Variants in CEP135 observed in about 807,000 individuals in gnomAD.
CEP135 encodes the protein centrosomal protein of 135 kDa.
In CEP135, 142 loss-of-function variants were observed where a neutral mutation model predicts 157.3. The observed-to-expected ratio is 0.90, with a 90% CI of 0.79 to 1.04. The LOEUF is 1.04. Among genes scored for constraint, CEP135 ranks in the 50% least tolerant of loss-of-function variants. The pLI is 0.00. For missense variants in CEP135, 1,317 were observed against 1,309.2 expected (o/e 1.01, Z -0.09); for synonymous variants, 396 against 439.8 (o/e 0.90, Z 1.25).
intron 25 of CEP135, 104 bp downstream of exon 25, chr4:56,024,718 C>A: frequency 1.3e-6 from 1 of 745,676 alleles, no homozygotes. Flanking sequence ...GTAAGGCGTT[C>A]AGGAGAACTT....
At chr4:55,975,017 A>G in intron 11 of CEP135, 48 bp downstream of exon 11, 8 of 1,346,212 alleles carry the variant, frequency 5.9e-6, no homozygotes, top group Non-Finnish European at 8.1e-6. Flanking sequence ...TTATGAATAA[A>G]TTTTTCTGGT....
chr4:55,956,008 T>A lies in CEP135; in HGVS notation c.473-1215T>A, dbSNP rs1276171379. 2.0e-5 allele frequency among the ~76,000 whole-genome samples: 3 copies of A among 152,060 alleles called. No homozygotes were observed. The East Asian group carries it at 5.8e-4, about 29-fold the overall frequency. On this transcript the variant is annotated intron_variant, in intron 4 of 25. Coordinates refer to ENST00000257287, the MANE Select transcript of CEP135 (RefSeq NM_025009.5). ...GGAAGAGAGGAGACCCAGAGTCAGA[T>A]GTGAGGGAAATTGGTATTTAAGGGA... is the stretch of plus-strand genomic sequence containing the variant.
At chr4:55,968,951 C>T in intron 8 of CEP135, 112 bp from the exon 9 acceptor site, 1 of 677,112 alleles carries the variant, frequency 1.5e-6, no homozygotes, top group Non-Finnish European at 2.4e-6. Context: ...AGCCTCAGAT[C>T]TCACTGGTAA....
chr4:56,007,550 T>C (rs573618632), intron 17 of CEP135, among the ~76,000 whole-genome samples: 80 of 152,326 alleles, frequency 5.3e-4, no homozygotes, highest in African/African-American at 1.9e-3. Context: ...ACATCCCCAC[T>C]TAGTCTCTGG....
chr4:55,978,772 A>T (rs1198433173), intron 11 of CEP135, among the ~76,000 whole-genome samples: 3 of 152,156 alleles, frequency 2.0e-5, no homozygotes, highest in Non-Finnish European at 4.4e-5. Context: ...CTGGTCATGA[A>T]TTCCTGGCCT....
At chr4:56,001,084 G>T in intron 17 of CEP135, among the ~76,000 whole-genome samples, 1 of 152,010 alleles carries the variant, frequency 6.6e-6, no homozygotes, top group South Asian at 2.1e-4. Context: ...ATCTTTGCCC[G>T]TTTTAAAATT....
rs372409891 is a variant in CEP135, at chr4:56,024,524, G to A, written c.3344G>A (p.Arg1115His). Residue 1115 changes from arginine to histidine, a missense_variant, in exon 25 of 26, where the codon CGT becomes CAT. By Grantham distance (29) the Arg-to-His change is conservative. Transcript: ENST00000257287. Reference protein sequence around the residue: ...YERERAIQEMRRHGLATPPLS... With the variant: ...YERERAIQEMHRHGLATPPLS... ...AGAGAACGAGCAATCCAAGAGATGC[G>A]TCGACATGGTCTTGCTACACCACCC... 28 of 1,613,630 alleles carry A rather than the reference G, an allele frequency of 1.7e-5. No individual in the cohort carries two copies. The highest frequency in any genetic ancestry group is 6.7e-5 in the East Asian group (3 of 44,820).
At chr4:55,979,751 G>A (rs1395360330) in intron 11 of CEP135, among the ~76,000 whole-genome samples, 1 of 152,210 alleles carries the variant, frequency 6.6e-6, no homozygotes, top group Non-Finnish European at 1.5e-5. Context: ...TCTTGACTGA[G>A]TAGGTCTGGG....
chr4:56,009,991 G>A (rs1026785962), intron 19 of CEP135, 88 bp downstream of exon 19: 2 of 1,281,404 alleles, frequency 1.6e-6, no homozygotes, highest in Non-Finnish European at 2.2e-6. Context: ...TCTAAAATCT[G>A]ATGATATAAA....
chr4:56,026,901 AC>A (rs545056816), intron 25 of CEP135, among the ~76,000 whole-genome samples: 4 of 152,250 alleles, frequency 2.6e-5, no homozygotes, highest in Non-Finnish European at 5.9e-5. Flanking sequence ...TTAAATTGAT[AC>A]ATTTCTTTGC....
At chr4:55,996,093 A>G (rs1324403430) in intron 15 of CEP135, among the ~76,000 whole-genome samples, 1 of 152,144 alleles carries the variant, frequency 6.6e-6, no homozygotes, top group Non-Finnish European at 1.5e-5. Context: ...CATGAGAAGT[A>G]TTTATTTTTT....
intron 17 of CEP135, among the ~76,000 whole-genome samples, chr4:56,007,941 C>T (rs10017245): frequency 0.022 from 3,281 of 152,256 alleles, 119 homozygotes; most frequent in African/African-American, 0.075. Flanking sequence ...GACTACACCA[C>T]CATTTTAGAC....
chr4:55,989,957 A>C (rs1577890191), intron 14 of CEP135, among the ~76,000 whole-genome samples: 1 of 152,336 alleles, frequency 6.6e-6, no homozygotes, highest in Non-Finnish European at 1.5e-5. Context: ...TCCCCAGGGC[A>C]AATGCAGCCT....
At position 55,953,268 on chromosome 4, in the gene CEP135, C is replaced by G. The variant is rs115408010; in HGVS notation, c.297C>G (p.His99Gln). Residue 99 changes from histidine to glutamine, a missense_variant, in exon 3 of 26, where the codon CAC becomes CAG. Transcript: ENST00000257287. Reference protein sequence around the residue: ...LMKLREHSDQHVKELKTSLKK... With the variant: ...LMKLREHSDQQVKELKTSLKK... ...AACTGAGAGAACATTCAGACCAACA[C>G]GTTAAAGGTAAGTGAAAATTTGATA... The G allele has an allele frequency of 6.6e-6, 10 of 1,508,076 alleles. No homozygotes were observed. The South Asian group carries it at 7.8e-5, about 12-fold the overall frequency. The allele number at this position is 1,508,076 out of a possible 1,614,324, so 93.4% of individuals were successfully genotyped here.
chr4:55,986,392 A>G (rs1729583675), intron 14 of CEP135, among the ~76,000 whole-genome samples: 1 of 152,028 alleles, frequency 6.6e-6, no homozygotes, highest in Non-Finnish European at 1.5e-5. Context: ...AAATTTACAA[A>G]TTGGCCAGGC....
intron 21 of CEP135, among the ~76,000 whole-genome samples, chr4:56,013,083 C>T (rs556682052): frequency 1.2e-4 from 19 of 152,134 alleles, no homozygotes; most frequent in African/African-American, 4.3e-4. Context: ...TTATAAGAGC[C>T]GTCATAATGG....
Position 56,031,810 on chromosome 4 carries a change from CA to C in CEP135, c.*463del, listed in dbSNP as rs1577922531. 3 of 152,228 alleles carry C rather than the reference CA, an allele frequency of 2.0e-5. No homozygotes were observed. Among genetic ancestry groups the C allele is most frequent in the Admixed American group, 6.5e-5 (1 of 15,274 alleles). The allele number at this position is 152,228 out of a possible 1,614,324, so 9.4% of individuals were successfully genotyped here. A position where few individuals can be genotyped will look rare whatever the true frequency, so the allele number is the denominator to read the frequency against. ...ATTATCAACTTTGATGCTATGCTGT[CA>C]TGCTTAACTTTTTCTTCTTAAAATT... On this transcript the variant is annotated 3_prime_UTR_variant, in exon 26 of 26. Transcript: ENST00000257287.
chr4:56,025,332 A>C (rs1240937392), intron 25 of CEP135, among the ~76,000 whole-genome samples: 2 of 152,200 alleles, frequency 1.3e-5, no homozygotes. Flanking sequence ...GCATAACGTT[A>C]AATGACAATA....
chr4:56,021,586 C>G (rs1342238620), intron 24 of CEP135, among the ~76,000 whole-genome samples: 2 of 152,196 alleles, frequency 1.3e-5, no homozygotes, highest in African/African-American at 2.4e-5. Flanking sequence ...CCATAGACAT[C>G]TGCATTCCTG....
Sources: allele counts gnomAD v4.1 joint callset (sites outside exome capture counted in the v4.1 genomes callset), GRCh38; gene constraint gnomAD v4.1.1; transcripts MANE v1.5; gene names NCBI Gene and HGNC (gene_info 2026-07-23, HGNC 2026-07-21).